GSE1: variants seen among roughly 807,000 people sequenced by gnomAD.
The protein encoded by GSE1 is Gse1 coiled-coil protein.
Under a neutral mutation model 112.6 loss-of-function variants are expected in GSE1, and 32 were observed. That is an observed-to-expected ratio of 0.28 (90% CI 0.21 to 0.38). The LOEUF (loss-of-function observed/expected upper bound fraction) is 0.38, where lower values mean the gene tolerates loss of function less well. Among genes scored for constraint, GSE1 ranks in the 10% least tolerant of loss-of-function variants. The pLI, the probability that GSE1 is intolerant of heterozygous loss-of-function variation, is 1.00. For missense variants in GSE1, 2,348 were observed against 1,699.2 expected, an observed-to-expected ratio of 1.38 and a Z score of -6.71; for synonymous variants, 1,115 against 735.6, an observed-to-expected ratio of 1.52 and a Z score of -8.35.
chr16:85,180,438 C>G (rs1018513596), intron 1 of GSE1, among the ~76,000 whole-genome samples: 15 of 152,288 alleles, frequency 9.8e-5, no homozygotes, highest in Middle Eastern at 3.4e-3. Flanking sequence ...TAGGTTCCGG[C>G]CCTCCACTCC....
At chr16:85,354,058 C>G (rs1213746547) in intron 1 of GSE1, among the ~76,000 whole-genome samples, 1 of 152,216 alleles carries the variant, frequency 6.6e-6, no homozygotes, top group Non-Finnish European at 1.5e-5. Flanking sequence ...TCAAATCCTA[C>G]TCCTCTTGAA....
chr16:85,623,828 G>C (rs893242910), intron 1 of GSE1, among the ~76,000 whole-genome samples: 1 of 152,164 alleles, frequency 6.6e-6, no homozygotes, highest in African/African-American at 2.4e-5. Flanking sequence ...CTGCTGCCCA[G>C]GCCACTCCTG....
intron 2 of GSE1, among the ~76,000 whole-genome samples, chr16:85,383,511 A>G (rs1220926774): frequency 4.0e-5 from 6 of 149,722 alleles, no homozygotes; most frequent in Non-Finnish European, 8.9e-5. Context: ...ACACACACAC[A>G]CACACGCACA....
intron 2 of GSE1, among the ~76,000 whole-genome samples, chr16:85,497,223 C>A (rs923149755): frequency 6.6e-6 from 1 of 152,210 alleles, no homozygotes; most frequent in African/African-American, 2.4e-5. Context: ...TCTGGTCCCA[C>A]TGAAGCTGCT....
chr16:85,663,176 T>C, intron 10 of GSE1, 83 bp downstream of exon 10: 1 of 1,248,048 alleles, frequency 8.0e-7, no homozygotes, highest in Non-Finnish European at 1.2e-6. Context: ...ACCCCACTGT[T>C]GCTAGGTTCC....
At chr16:85,426,016 A>G (rs1597719429) in intron 2 of GSE1, among the ~76,000 whole-genome samples, 2 of 63,274 alleles carry the variant, frequency 3.2e-5, no homozygotes, top group African/African-American at 7.4e-5. Context: ...CTCTCTAAGA[A>G]TGAATGGAAA....
At chr16:85,507,722 G>T (rs913360364) in intron 2 of GSE1, among the ~76,000 whole-genome samples, 1 of 152,146 alleles carries the variant, frequency 6.6e-6, no homozygotes, top group Admixed American at 6.5e-5. Context: ...GACCTCATTT[G>T]ACCTTAATCA....
intron 2 of GSE1, among the ~76,000 whole-genome samples, chr16:85,388,530 T>G (rs57516136): frequency 0.4 from 31,329 of 77,618 alleles, 3,883 homozygotes; most frequent in Middle Eastern, 0.51. Flanking sequence ...ATAGGTGGAT[T>G]GATGGATGGG....
At position 85,311,092 on chromosome 16, in the gene GSE1, G is replaced by A. The variant is rs1207979333; in HGVS notation, c.2284-46371G>A. On this transcript the variant is annotated intron_variant, in intron 1 of 2. Transcript: ENST00000637419. The surrounding 1 kb of genome is among the most constrained non-coding windows in gnomAD (Gnocchi z 4.2). ...ATTATCTCGTCCTCCAGCAGGCAGG[G>A]CATCTGACAGCCGTGGAGGACGGCA... Among the ~76,000 whole-genome samples, 1 of 152,228 alleles carries A rather than the reference G, an allele frequency of 6.6e-6. No individual in the cohort carries two copies. The highest frequency in any genetic ancestry group is 1.5e-5 in the Non-Finnish European group (1 of 68,038).
intron 1 of GSE1, among the ~76,000 whole-genome samples, chr16:85,352,004 CA>C (rs36069464): frequency 0.1 from 15,531 of 151,664 alleles, 2,544 homozygotes; most frequent in African/African-American, 0.34. Context: ...CAAAAACAAA[CA>C]AAAAAAAAAC....
intron 1 of GSE1, among the ~76,000 whole-genome samples, chr16:85,304,375 A>G (rs2045609065): frequency 6.6e-6 from 1 of 151,996 alleles, no homozygotes; most frequent in African/African-American, 2.4e-5. Flanking sequence ...GGGGCTCTCT[A>G]GCAGAGGGGC....
At position 85,301,025 on chromosome 16, in the gene GSE1, GCCA is replaced by G. The variant is rs551710358; in HGVS notation, c.2284-56435_2284-56433del. On this transcript the variant is annotated intron_variant, in intron 1 of 2. Transcript: ENST00000637419. ...GTCCAGTGTGTTCCCTCCTCCAGGG[GCCA>G]CCTTCCCCCACTACACAGAATTCCC... 4.5e-4 allele frequency among the ~76,000 whole-genome samples: 68 copies of G among 152,278 alleles called. 1 individual carries two copies. In the South Asian group the frequency reaches 0.014, roughly 32 times the overall value.
exon 1 of GSE1, chr16:85,170,091 G>T: frequency 4.1e-6 from 4 of 985,114 alleles, no homozygotes; most frequent in Non-Finnish European, 4.8e-6. Context: ...ACCCGCCCGC[G>T]CGGGACGCCG....
At chr16:85,179,737 T>TACAGC (rs1476871405) in intron 1 of GSE1, among the ~76,000 whole-genome samples, 1,268 of 152,318 alleles carry the variant, frequency 8.3e-3, no homozygotes, top group African/African-American at 0.028. Context: ...ATCGTTTTTG[T>TACAGC]TCTCCCTGGG....
chr16:85,190,257 G>A (rs2074794687), intron 1 of GSE1, among the ~76,000 whole-genome samples: 1 of 152,166 alleles, frequency 6.6e-6, no homozygotes, highest in African/African-American at 2.4e-5. Flanking sequence ...GGATAAGTAA[G>A]AAAGATACTA....
At chr16:85,251,878 A>C (rs1035621173) in intron 1 of GSE1, among the ~76,000 whole-genome samples, 1 of 152,186 alleles carries the variant, frequency 6.6e-6, no homozygotes, top group Admixed American at 6.5e-5. Context: ...TCCTCCAGGC[A>C]AGTAGGTCCC....
intron 2 of GSE1, among the ~76,000 whole-genome samples, chr16:85,402,710 C>G (rs1225919026): frequency 6.6e-6 from 1 of 152,084 alleles, no homozygotes; most frequent in African/African-American, 2.4e-5. Context: ...TCACTTGAGC[C>G]CAGGAGTTCA....
At chr16:85,484,856 G>A (rs1251718166) in intron 2 of GSE1, among the ~76,000 whole-genome samples, 1 of 152,230 alleles carries the variant, frequency 6.6e-6, no homozygotes, top group African/African-American at 2.4e-5. Context: ...CCCGTTTCCA[G>A]TTCACGGTCT....
chr16:85,179,601 G>A (rs1165658885), intron 1 of GSE1, among the ~76,000 whole-genome samples: 3 of 152,182 alleles, frequency 2.0e-5, no homozygotes, highest in Non-Finnish European at 2.9e-5. Context: ...GGCAAATGAC[G>A]TGATAGGGCT....
Sources: gnomAD v4.1 joint callset for allele counts (sites outside exome capture counted in the v4.1 genomes callset) on GRCh38, gnomAD v4.1.1 for gene constraint, Gnocchi (gnomAD v3.1) non-coding constraint, MANE v1.5 for transcripts, NCBI Gene and HGNC (gene_info 2026-07-23, HGNC 2026-07-21) for gene names.